The following CCSER1 variants were observed in gnomAD, a reference collection of about 807,000 sequenced individuals.
CCSER1 encodes coiled-coil serine rich protein 1.
CCSER1 carries 41 observed loss-of-function variants against 82.0 expected under a neutral mutation model. The observed-to-expected ratio is 0.50, with a 90% CI of 0.39 to 0.65. CCSER1 has a LOEUF of 0.65. Ranked by LOEUF, CCSER1 falls within the 30% of genes least tolerant of loss-of-function variation. CCSER1 has a pLI of 0.00. For missense variants in CCSER1, 1,119 were observed against 1,064.2 expected (o/e 1.05, Z -0.72); for synonymous variants, 414 against 383.9 (o/e 1.08, Z -0.92).
intron 1 of CCSER1, among the ~76,000 whole-genome samples, chr4:90,203,326 T>C (rs1384022660): frequency 6.6e-6 from 1 of 152,208 alleles, no homozygotes; most frequent in Admixed American, 6.5e-5. Context: ...TAGGTATTTC[T>C]CCTAATGCTA....
At chr4:90,192,840 A>C (rs1012456770) in intron 1 of CCSER1, among the ~76,000 whole-genome samples, 1 of 152,074 alleles carries the variant, frequency 6.6e-6, no homozygotes, top group African/African-American at 2.4e-5. Flanking sequence ...ACAATTTAAT[A>C]AAGTATGCCA....
intron 7 of CCSER1, chr4:90,780,796 A>G: frequency 8.9e-7 from 1 of 1,126,810 alleles, no homozygotes; most frequent in Non-Finnish European, 1.1e-6. Context: ...CAATATTTCC[A>G]TATATGCGTG....
At chr4:91,431,905 T>G (rs2149394351) in intron 10 of CCSER1, among the ~76,000 whole-genome samples, 1 of 152,314 alleles carries the variant, frequency 6.6e-6, no homozygotes, top group East Asian at 1.9e-4. Context: ...CACTGCTGCA[T>G]ACTTTTTCCA....
intron 10 of CCSER1, among the ~76,000 whole-genome samples, chr4:91,164,082 C>A (rs1731754955): frequency 6.6e-6 from 1 of 152,134 alleles, no homozygotes; most frequent in Non-Finnish European, 1.5e-5. Context: ...TGTTCCTTTC[C>A]ATATTTAGTG....
intron 5 of CCSER1, among the ~76,000 whole-genome samples, chr4:90,525,680 A>G (rs1773671558): frequency 6.6e-6 from 1 of 152,062 alleles, no homozygotes; most frequent in Non-Finnish European, 1.5e-5. Context: ...TTAAATCATC[A>G]TCAAAGGCTG....
chr4:91,488,620 A>C (rs1758346020), intron 10 of CCSER1, among the ~76,000 whole-genome samples: 1 of 152,150 alleles, frequency 6.6e-6, no homozygotes, highest in Admixed American at 6.6e-5. Context: ...CACCTTGCCC[A>C]GCTCTTTCTT....
chr4:91,148,311 A>G lies in CCSER1; in HGVS notation c.2217+62317A>G, dbSNP rs553687473. ...TCATTTATTCATTGAACAAAAGTTC[A>G]TTGAGCTCTTAAGATATACCACGCA... On this transcript the variant is annotated intron_variant, in intron 10 of 10. Transcript: ENST00000509176. Among the ~76,000 whole-genome samples the G allele has an allele frequency of 6.6e-5, 10 of 152,238 alleles. No individual in the cohort carries two copies. The East Asian group carries it at 1.2e-3, about 18-fold the overall frequency.
At chr4:90,271,863 T>TGTATATATATATA (rs61116868) in intron 1 of CCSER1, among the ~76,000 whole-genome samples, 4 of 19,778 alleles carry the variant, frequency 2.0e-4, no homozygotes, top group South Asian at 5.2e-3. Flanking sequence ...TATATATATA[T>TGTATATATATATA]TTTTTTTTTT....
intron 10 of CCSER1, among the ~76,000 whole-genome samples, chr4:91,444,719 G>A (rs527877740): frequency 2.0e-5 from 3 of 152,270 alleles, no homozygotes; most frequent in Non-Finnish European, 2.9e-5. Context: ...CAAAGTGCTG[G>A]GATCACAGGT....
chr4:90,231,757 A>G (rs1361429423), intron 1 of CCSER1, among the ~76,000 whole-genome samples: 2 of 152,152 alleles, frequency 1.3e-5, no homozygotes, highest in Admixed American at 1.3e-4. Flanking sequence ...TTAAGCTGCT[A>G]AGCAACTTCA....
intron 9 of CCSER1, among the ~76,000 whole-genome samples, chr4:90,968,202 T>C (rs903545188): frequency 6.6e-6 from 1 of 151,532 alleles, no homozygotes; most frequent in African/African-American, 2.4e-5. Flanking sequence ...TGTTAAAATA[T>C]TAACATAAAA....
intron 10 of CCSER1, among the ~76,000 whole-genome samples, chr4:91,178,117 G>A (rs984127916): frequency 3.9e-5 from 6 of 152,148 alleles, no homozygotes; most frequent in South Asian, 2.1e-4. Context: ...GTAGTTGAGC[G>A]GTTTTGAGTG....
At chr4:90,564,348 C>A (rs913171635) in intron 5 of CCSER1, among the ~76,000 whole-genome samples, 19 of 152,104 alleles carry the variant, frequency 1.2e-4, no homozygotes, top group Non-Finnish European at 2.2e-4. Flanking sequence ...AGCCACCACA[C>A]CCAGTCCATT....
At chr4:90,177,069 T>G (rs1422373240) in intron 1 of CCSER1, among the ~76,000 whole-genome samples, 1 of 152,098 alleles carries the variant, frequency 6.6e-6, no homozygotes, top group East Asian at 1.9e-4. Flanking sequence ...AAAAATGCCC[T>G]CTTGTAAAAT....
At chr4:90,722,850 A>T (rs1247487723) in intron 6 of CCSER1, among the ~76,000 whole-genome samples, 3 of 151,946 alleles carry the variant, frequency 2.0e-5, no homozygotes, top group African/African-American at 7.2e-5. Flanking sequence ...AATACAGTGA[A>T]TTGAAAATAA....
At chr4:90,916,580 A>G (rs564733381) in intron 8 of CCSER1, among the ~76,000 whole-genome samples, 5 of 152,124 alleles carry the variant, frequency 3.3e-5, no homozygotes, top group African/African-American at 1.2e-4. Context: ...AACCTAGGCA[A>G]TACCATTCAG....
chr4:90,531,106 A>G (rs1379386009), intron 5 of CCSER1, among the ~76,000 whole-genome samples: 2 of 152,034 alleles, frequency 1.3e-5, no homozygotes, highest in Non-Finnish European at 2.9e-5. Context: ...GTTTTATATG[A>G]ATTGCAATCT....
At chr4:90,804,588 C>G (rs1207138240) in intron 7 of CCSER1, among the ~76,000 whole-genome samples, 1 of 152,096 alleles carries the variant, frequency 6.6e-6, no homozygotes, top group African/African-American at 2.4e-5. Flanking sequence ...TGTTTTGGTA[C>G]CAGTACCATG....
intron 10 of CCSER1, among the ~76,000 whole-genome samples, chr4:91,203,201 G>A (rs58081193): frequency 0.18 from 26,943 of 151,788 alleles, 2,403 homozygotes; most frequent in Middle Eastern, 0.24. Context: ...ACTGGTGTGA[G>A]ATGGTATCTC....
Sources: gnomAD v4.1 joint callset for allele counts (sites outside exome capture counted in the v4.1 genomes callset) on GRCh38, gnomAD v4.1.1 for gene constraint, MANE v1.5 for transcripts, NCBI Gene and HGNC (gene_info 2026-07-23, HGNC 2026-07-21) for gene names.